SLC5A3: variants seen among roughly 807,000 people sequenced by gnomAD.
The protein encoded by SLC5A3 is solute carrier family 5 member 3.
In SLC5A3, 10 loss-of-function variants were observed where a neutral mutation model predicts 43.2. That is an observed-to-expected ratio of 0.23 (90% CI 0.14 to 0.39). SLC5A3 has a LOEUF of 0.39. Among genes scored for constraint, SLC5A3 ranks in the 10% least tolerant of loss-of-function variants. The pLI is 1.00. For missense variants in SLC5A3, 608 were observed against 893.4 expected (o/e 0.68, Z 4.07); for synonymous variants, 349 against 322.0 (o/e 1.08, Z -0.90).
chr21:34,077,647 TAAAAC>T (rs1357384551), intron 1 of SLC5A3, among the ~76,000 whole-genome samples: 4 of 152,346 alleles, frequency 2.6e-5, no homozygotes, highest in East Asian at 1.9e-4. Context: ...AAGTTCTTAT[TAAAAC>T]AAACAGTAAT....
At chr21:34,077,814 T>C (rs1989369509) in intron 1 of SLC5A3, among the ~76,000 whole-genome samples, 1 of 152,214 alleles carries the variant, frequency 6.6e-6, no homozygotes, top group East Asian at 1.9e-4. Flanking sequence ...GTTCCTAAAA[T>C]GTAGAAAACA....
intron 1 of SLC5A3, among the ~76,000 whole-genome samples, chr21:34,087,642 C>G (rs890001188): frequency 6.6e-6 from 1 of 152,172 alleles, no homozygotes; most frequent in Non-Finnish European, 1.5e-5. Context: ...GGAGACAGGT[C>G]TTGTGGAAAC....
Position 34,096,464 on chromosome 21 carries a change from C to T in SLC5A3, c.1266C>T (p.Ser422=), listed in dbSNP as rs765610386. The T allele has an allele frequency of 6.2e-7, 1 of 1,614,170 alleles. No individual in the cohort carries two copies. Among genetic ancestry groups the T allele is most frequent in the Non-Finnish European group, 8.5e-7 (1 of 1,180,024 alleles). Residue 422 remains serine (S), a synonymous_variant, in exon 2 of 2, where the codon AGC becomes AGT. Transcript: ENST00000381151. The surrounding 1 kb of genome is among the most constrained non-coding windows in gnomAD (Gnocchi z 5.9). ...TTGTGGCATTTATGGTGGTGATCAG[C>T]ATAGCATGGGTGCCAATCATCGTGG... The part of the protein sequence containing the change: ...RIFVAFMVVI[S]IAWVPIIVEM...
Position 34,096,416 on chromosome 21 carries a change from G to C in SLC5A3, c.1218G>C (p.Glu406Asp). ...TCCGCAAGAGCGCAAGCTCCCGGGAGTTAATGATTGTGGGGAGGATATTTG... is the reference window on the plus strand; with the variant it reads ...TCCGCAAGAGCGCAAGCTCCCGGGACTTAATGATTGTGGGGAGGATATTTG... Reference protein sequence around the residue: ...KLIRKSASSRELMIVGRIFVA... With the variant: ...KLIRKSASSRDLMIVGRIFVA... The change falls in exon 2 of 2, where the codon GAG (glutamate) becomes GAC (aspartate). Residue 406 changes from glutamate to aspartate, a missense_variant. Glu to Asp is a conservative substitution (Grantham distance 45). Transcript: ENST00000381151. This position sits in a 1 kb window ranked among gnomAD's most constrained non-coding sequence, Gnocchi z 5.9. 6.2e-7 allele frequency: 1 copy of C among 1,614,226 alleles called. No homozygotes were observed. The highest frequency in any genetic ancestry group is 8.5e-7 in the Non-Finnish European group (1 of 1,180,028).
chr21:34,099,938 G>C lies in SLC5A3; in HGVS notation c.*2583G>C, dbSNP rs1037513287. 5 of 382,350 alleles carry C rather than the reference G, an allele frequency of 1.3e-5. No homozygotes were observed. The Admixed American group carries it at 3.2e-4, about 25-fold the overall frequency. The allele number at this position is 382,350 out of a possible 1,614,324, so 23.7% of individuals were successfully genotyped here. A position where few individuals can be genotyped will look rare whatever the true frequency, so the allele number is the denominator to read the frequency against. ...TGATTGCAACTTAATTCAGGGACCA[G>C]TCTTCAATCTATATTTCATTAGAAT... On this transcript the variant is annotated 3_prime_UTR_variant, in exon 2 of 2. Coordinates refer to ENST00000381151, the MANE Select transcript of SLC5A3 (RefSeq NM_006933.7).
rs1602939401 is a variant in SLC5A3 at position 34,103,679 on chromosome 21, C to T, written c.*6324C>T. On this transcript the variant is annotated 3_prime_UTR_variant, in exon 2 of 2. Coordinates refer to ENST00000381151, the MANE Select transcript of SLC5A3 (RefSeq NM_006933.7). The stretch of plus-strand genomic sequence containing the variant: ...GTCATAAAGGCCACCAGGTATTTGT[C>T]TCAGAGTTGCTATGAGCACTACAGT... The T allele has an allele frequency of 1.0e-6, 1 of 1,000,120 alleles. No homozygotes were observed. Among genetic ancestry groups the T allele is most frequent in the African/African-American group, 1.7e-5 (1 of 57,330 alleles). The allele number at this position is 1,000,120 out of a possible 1,614,324, so 62.0% of individuals were successfully genotyped here. A position where few individuals can be genotyped will look rare whatever the true frequency, so the allele number is the denominator to read the frequency against.
At position 34,095,068 on chromosome 21, in the gene SLC5A3, C is replaced by CT; in HGVS notation, c.-128dup. ...AAGACAGCAAACCAAAGGACAAAGACTTTGACCCTGCTGTGTTGCTCTGTG... is the reference window on the plus strand; with the variant it reads ...AAGACAGCAAACCAAAGGACAAAGACTTTTGACCCTGCTGTGTTGCTCTGTG... On this transcript the variant is annotated 5_prime_UTR_variant, in exon 2 of 2. Transcript: ENST00000381151. 1 of 1,064,918 alleles carries CT rather than the reference C, an allele frequency of 9.4e-7. No homozygotes were observed. Among genetic ancestry groups the CT allele is most frequent in the Non-Finnish European group, 1.2e-6 (1 of 816,078 alleles). The allele number at this position is 1,064,918 out of a possible 1,614,324, so 66.0% of individuals were successfully genotyped here.
intron 1 of SLC5A3, among the ~76,000 whole-genome samples, chr21:34,088,749 T>C (rs1978527299): frequency 6.6e-6 from 1 of 152,222 alleles, no homozygotes; most frequent in Non-Finnish European, 1.5e-5. Flanking sequence ...GGCTTCAGTT[T>C]TCTCATCTGT....
chr21:34,093,504 AC>A (rs1010048775), intron 1 of SLC5A3, among the ~76,000 whole-genome samples: 1 of 152,112 alleles, frequency 6.6e-6, no homozygotes, highest in Non-Finnish European at 1.5e-5. Context: ...AGTTTCTAAT[AC>A]TGTGGTCTGT....
chr21:34,097,992 C>CT lies in SLC5A3; in HGVS notation c.*648dup, dbSNP rs201745004. 31,989 of 627,758 alleles carry CT rather than the reference C, an allele frequency of 0.051. 57 individuals are homozygous for CT. Among genetic ancestry groups the CT allele is most frequent in the South Asian group, 0.14 (2,069 of 15,034 alleles). The allele number at this position is 627,758 out of a possible 1,614,324, so 38.9% of individuals were successfully genotyped here. A position where few individuals can be genotyped will look rare whatever the true frequency, so the allele number is the denominator to read the frequency against. ...TTAGGGAAAAACTTTGTTCCAGTTC[C>CT]TTTTTTTTTTTCTTTCTACTTTCAA... On this transcript the variant is annotated 3_prime_UTR_variant, in exon 2 of 2. Transcript: ENST00000381151.
At chr21:34,082,747 T>TC (rs922492975) in intron 1 of SLC5A3, among the ~76,000 whole-genome samples, 7 of 152,054 alleles carry the variant, frequency 4.6e-5, no homozygotes, top group Non-Finnish European at 1.0e-4. Context: ...GTCTTTTTTT[T>TC]CACTCCCACT....
Position 34,102,896 on chromosome 21 carries a change from G to A in SLC5A3, c.*5541G>A, listed in dbSNP as rs1422557629. The A allele has an allele frequency of 6.0e-6, 6 of 999,214 alleles. No homozygotes were observed. The highest frequency in any genetic ancestry group is 1.1e-4 in the East Asian group (1 of 8,822). 61.9% of individuals were successfully genotyped at this position (999,214 alleles called of 1,614,324 possible). On this transcript the variant is annotated 3_prime_UTR_variant, in exon 2 of 2. Transcript: ENST00000381151. ...ACATATTACAGTGAATTCGACAACCGCACAAGTTGGCAGTAGGTATCCCCA... is the reference window on the plus strand; with the variant it reads ...ACATATTACAGTGAATTCGACAACCACACAAGTTGGCAGTAGGTATCCCCA...
Position 34,105,002 on chromosome 21 carries a change from T to C in SLC5A3, c.*7647T>C. On this transcript the variant is annotated 3_prime_UTR_variant, in exon 2 of 2. Transcript: ENST00000381151. ...TATAATTAGAGTTTTCTAATTTCAC[T>C]GTGAGATCTCTAACTTTTGAGTGGC... The C allele has an allele frequency of 1.0e-6, 1 of 1,000,114 alleles. No individual in the cohort carries two copies. The highest frequency in any genetic ancestry group is 1.2e-6 in the Non-Finnish European group (1 of 829,822). 62.0% of individuals were successfully genotyped at this position (1,000,114 alleles called of 1,614,324 possible).
chr21:34,088,383 G>A (rs1016127832), intron 1 of SLC5A3, among the ~76,000 whole-genome samples: 5 of 20,236 alleles, frequency 2.5e-4, no homozygotes, highest in African/African-American at 8.9e-4. Flanking sequence ...TTTGCTGTAT[G>A]TGAAGCCTAT....
Position 34,095,456 on chromosome 21 carries a change from C to T in SLC5A3, c.258C>T (p.Ala86=), listed in dbSNP as rs760786850. The T allele has an allele frequency of 1.5e-5, 24 of 1,613,948 alleles. No homozygotes were observed. The East Asian group carries it at 2.5e-4, about 16-fold the overall frequency. ...CAGTGGGCGCATGGGAATTCAATGC[C>T]TTACTGCTTTTACAACTTCTGGGAT... The part of the protein sequence containing the change: ...GFAVGAWEFN[A]LLLLQLLGWV... Residue 86 remains alanine, a synonymous_variant, in exon 2 of 2, where the codon GCC becomes GCT. Coordinates refer to ENST00000381151, the MANE Select transcript of SLC5A3 (RefSeq NM_006933.7).
At position 34,104,419 on chromosome 21, in the gene SLC5A3, T is replaced by C; in HGVS notation, c.*7064T>C. On this transcript the variant is annotated 3_prime_UTR_variant, in exon 2 of 2. Transcript: ENST00000381151. ...TTTATCAAGAATGAATGAATGTCTT[T>C]GTCTTAAATTTTGCCCATGTGTTAA... 1.0e-6 allele frequency: 1 copy of C among 1,000,182 alleles called. No homozygotes were observed. Among genetic ancestry groups the C allele is most frequent in the Non-Finnish European group, 1.2e-6 (1 of 829,964 alleles). The allele number at this position is 1,000,182 out of a possible 1,614,324, so 62.0% of individuals were successfully genotyped here.
intron 1 of SLC5A3, among the ~76,000 whole-genome samples, chr21:34,084,256 A>G (rs754485611): frequency 6.9e-6 from 1 of 145,876 alleles, no homozygotes; most frequent in African/African-American, 2.5e-5. Flanking sequence ...GGCCTGGAGA[A>G]TTATAATCTG....
chr21:34,080,277 A>G (rs902940965), intron 1 of SLC5A3, among the ~76,000 whole-genome samples: 2 of 152,198 alleles, frequency 1.3e-5, no homozygotes, highest in Non-Finnish European at 2.9e-5. Flanking sequence ...ATTACTGCAT[A>G]CTTCTCATTT....
intron 1 of SLC5A3, among the ~76,000 whole-genome samples, chr21:34,076,011 A>G (rs1414021613): frequency 1.3e-5 from 2 of 152,202 alleles, no homozygotes; most frequent in Non-Finnish European, 2.9e-5. Flanking sequence ...AAAGTTGCGT[A>G]TCTTCCACGT....
Sources: allele counts gnomAD v4.1 joint callset (sites outside exome capture counted in the v4.1 genomes callset), GRCh38; gene constraint gnomAD v4.1.1; non-coding constraint Gnocchi (gnomAD v3.1); transcripts MANE v1.5; gene names NCBI Gene and HGNC (gene_info 2026-07-23, HGNC 2026-07-21).